Variants in PLEK observed in about 807,000 individuals in gnomAD.
PLEK encodes the protein pleckstrin, also known as platelet 47 kDa protein.
A neutral mutation model predicts 43.9 loss-of-function variants in PLEK; 25 were observed. That is an observed-to-expected ratio of 0.57 (90% CI 0.41 to 0.79). PLEK has a LOEUF of 0.79. Among genes scored for constraint, PLEK ranks in the 30% least tolerant of loss-of-function variants. The pLI is 0.00. For synonymous variants in PLEK, 152 were observed against 144.4 expected, an observed-to-expected ratio of 1.05 and a Z score of -0.38; for missense variants, 396 against 413.3, an observed-to-expected ratio of 0.96 and a Z score of 0.36.
At chr2:68,384,269 C>T (rs1252956564) in intron 4 of PLEK, among the ~76,000 whole-genome samples, 3 of 151,670 alleles carry the variant, frequency 2.0e-5, no homozygotes, top group Admixed American at 6.6e-5. Context: ...TTATTTGAGA[C>T]GGAGTTTCAC....
intron 4 of PLEK, among the ~76,000 whole-genome samples, chr2:68,386,062 TA>T (rs1414164113): frequency 6.6e-6 from 1 of 151,876 alleles, no homozygotes; most frequent in Non-Finnish European, 1.5e-5. Context: ...TTTATTTTTT[TA>T]TTTTTAAAGT....
intron 1 of PLEK, among the ~76,000 whole-genome samples, chr2:68,375,732 C>T (rs1171394754): frequency 1.3e-5 from 2 of 152,140 alleles, no homozygotes; most frequent in Non-Finnish European, 2.9e-5. Flanking sequence ...GCAGCAGGGT[C>T]TCTTGGGAAC....
In PLEK at chr2:68,388,398, G is replaced by T; in HGVS notation, c.669G>T (p.Gly223=). 2 of 1,604,606 alleles carry T rather than the reference G, an allele frequency of 1.2e-6. No homozygotes were observed. The highest frequency in any genetic ancestry group is 1.7e-6 in the Non-Finnish European group (2 of 1,171,380). The change falls in exon 6 of 9, where the codon GGG becomes GGT. Residue 223 remains glycine (G), a synonymous_variant. Coordinates refer to ENST00000234313, the MANE Select transcript of PLEK (RefSeq NM_002664.3). The part of the protein sequence containing the change: ...PDAFYYFPDS[G]FFCEENSSDD... The stretch of plus-strand genomic sequence containing the variant: ...TGATTTTCCAACAGCCAGACAGTGG[G>T]TTCTTCTGTGAAGAGAATTCCAGTG...
intron 2 of PLEK, 96 bp downstream of exon 2, chr2:68,380,579 GTC>G (rs776627788): frequency 5.4e-5 from 77 of 1,437,602 alleles, no homozygotes; most frequent in Non-Finnish European, 7.0e-5. Flanking sequence ...CCTTGGGCTG[GTC>G]CCTCTCACCA....
chr2:68,394,043 G>C (rs912151487), intron 7 of PLEK, 64 bp from the exon 8 acceptor site: 2 of 1,043,398 alleles, frequency 1.9e-6, no homozygotes, highest in African/African-American at 3.1e-5. Context: ...TTTTCACCAA[G>C]AGGATGAGGT....
At chr2:68,379,135 AAAAAAT>A (rs1673561192) in intron 1 of PLEK, among the ~76,000 whole-genome samples, 1 of 152,124 alleles carries the variant, frequency 6.6e-6, no homozygotes, top group Non-Finnish European at 1.5e-5. Context: ...ACCTGTCTCA[AAAAAAT>A]AAAAATAAAA....
chr2:68,395,160 G>A (rs1673941054), intron 8 of PLEK, among the ~76,000 whole-genome samples: 1 of 151,448 alleles, frequency 6.6e-6, no homozygotes. Flanking sequence ...GGTAGGTCTG[G>A]CTTTGTGTAT....
At chr2:68,383,580 G>A (rs566419895) in intron 4 of PLEK, among the ~76,000 whole-genome samples, 1 of 152,252 alleles carries the variant, frequency 6.6e-6, no homozygotes, top group East Asian at 1.9e-4. Flanking sequence ...AAAGTTATGA[G>A]GCAGACATGT....
intron 1 of PLEK, among the ~76,000 whole-genome samples, chr2:68,378,685 T>C (rs549216703): frequency 2.1e-4 from 32 of 152,366 alleles, no homozygotes; most frequent in Non-Finnish European, 3.8e-4. Flanking sequence ...ACCTCTCATT[T>C]GTAGAGCACA....
intron 1 of PLEK, among the ~76,000 whole-genome samples, chr2:68,375,442 C>T (rs1673484157): frequency 6.6e-6 from 1 of 152,128 alleles, no homozygotes; most frequent in Non-Finnish European, 1.5e-5. Context: ...AGTTGTAAAA[C>T]AGAAAGGCAT....
chr2:68,393,661 T>TA (rs1474998481), intron 7 of PLEK, among the ~76,000 whole-genome samples: 1 of 152,188 alleles, frequency 6.6e-6, no homozygotes, highest in Non-Finnish European at 1.5e-5. Context: ...TTTTCCACCA[T>TA]AAAATGAACC....
intron 1 of PLEK, among the ~76,000 whole-genome samples, chr2:68,367,263 T>TA (rs1673296012): frequency 6.6e-6 from 1 of 152,036 alleles, no homozygotes; most frequent in Non-Finnish European, 1.5e-5. Flanking sequence ...CTTTTTTTTT[T>TA]TTATTCTTCT....
chr2:68,383,875 C>T (rs965731558), intron 4 of PLEK, among the ~76,000 whole-genome samples: 18 of 152,178 alleles, frequency 1.2e-4, no homozygotes, highest in African/African-American at 4.1e-4. Flanking sequence ...GATAGTCCCC[C>T]GTGGGAATAA....
rs771045848 is a variant in PLEK at position 68,394,190 on chromosome 2, C to T, written c.916+14C>T. The T allele has an allele frequency of 1.3e-6, 2 of 1,549,938 alleles. No individual in the cohort carries two copies. Among genetic ancestry groups the T allele is most frequent in the African/African-American group, 1.4e-5 (1 of 73,816 alleles). On this transcript the variant is annotated intron_variant, in intron 8 of 8. Coordinates refer to ENST00000234313, the MANE Select transcript of PLEK (RefSeq NM_002664.3). ...GCAACTCAAATGGTAAGATGAATTT[C>T]TGTGTGAGAGAGGTGGGTCTGCTCA...
At chr2:68,367,478 T>C (rs962233217) in intron 1 of PLEK, among the ~76,000 whole-genome samples, 3 of 152,226 alleles carry the variant, frequency 2.0e-5, no homozygotes, top group African/African-American at 4.8e-5. Flanking sequence ...AAAGAAATGT[T>C]TGGTCCAGAA....
chr2:68,373,649 T>G (rs4671207), intron 1 of PLEK, among the ~76,000 whole-genome samples: 1 of 151,712 alleles, frequency 6.6e-6, no homozygotes, highest in African/African-American at 2.4e-5. Context: ...CTTTGTCTAC[T>G]GAAGGCATGC....
intron 1 of PLEK, among the ~76,000 whole-genome samples, chr2:68,366,648 C>G (rs1317823415): frequency 6.6e-6 from 1 of 152,186 alleles, no homozygotes; most frequent in East Asian, 1.9e-4. Context: ...TAAGTGGGCC[C>G]TCAGCTGCTA....
Position 68,395,584 on chromosome 2 carries a change from CGAA to C in PLEK, c.917-92_917-90del, listed in dbSNP as rs1673947791. 34 of 1,335,650 alleles carry C rather than the reference CGAA, an allele frequency of 2.5e-5. 1 individual carries two copies. The highest frequency in any genetic ancestry group is 1.9e-4 in the South Asian group (16 of 83,438). 82.7% of individuals were successfully genotyped at this position (1,335,650 alleles called of 1,614,324 possible). A position where few individuals can be genotyped will look rare whatever the true frequency, so the allele number is the denominator to read the frequency against. ...CCACATAGTCAATTTCCTTAGAACA[CGAA>C]GAAAACAGAGATTTCATGGCTTGCA... On this transcript the variant is annotated intron_variant, in intron 8 of 8. Transcript: ENST00000234313.
intron 1 of PLEK, among the ~76,000 whole-genome samples, chr2:68,367,480 G>C (rs1401553585): frequency 6.6e-6 from 1 of 152,068 alleles, no homozygotes; most frequent in Admixed American, 6.6e-5. Flanking sequence ...AGAAATGTTT[G>C]GTCCAGAAAT....
Sources: allele counts gnomAD v4.1 joint callset (sites outside exome capture counted in the v4.1 genomes callset), GRCh38; gene constraint gnomAD v4.1.1; transcripts MANE v1.5; gene names NCBI Gene and HGNC (gene_info 2026-07-23, HGNC 2026-07-21).